CHN2: variants seen among roughly 807,000 people sequenced by gnomAD.
CHN2 encodes beta-chimaerin.
CHN2 carries 35 observed loss-of-function variants against 56.3 expected under a neutral mutation model. That is an observed-to-expected ratio of 0.62 (90% confidence interval 0.47 to 0.82). The LOEUF is 0.82. CHN2 is among the 40% of genes least tolerant of loss of function. The pLI is 0.00. For synonymous variants in CHN2, 210 were observed against 212.8 expected (o/e 0.99, Z 0.12); for missense variants, 491 against 580.5 (o/e 0.85, Z 1.58).
rs561376745 is a variant in CHN2 at position 29,416,062 on chromosome 7, C to T, written c.576+15234C>T. Among the ~76,000 whole-genome samples the T allele has an allele frequency of 9.2e-5, 14 of 152,268 alleles. No homozygotes were observed. The South Asian group carries it at 2.1e-3, about 23-fold the overall frequency. ...GGATAAATGCGGCCCCACAGAGCTG[C>T]GTTAACCTACAGGGCTTCTGTGTTC... On this transcript the variant is annotated intron_variant, in intron 6 of 12. Transcript: ENST00000222792.
intron 1 of CHN2, among the ~76,000 whole-genome samples, chr7:29,234,741 G>C (rs984996188): frequency 6.6e-6 from 1 of 152,288 alleles, no homozygotes; most frequent in East Asian, 1.9e-4. Context: ...TGAGCCTTCT[G>C]TACTCACCAC....
chr7:29,471,661 C>T (rs1053658859), intron 6 of CHN2, among the ~76,000 whole-genome samples: 1 of 152,102 alleles, frequency 6.6e-6, no homozygotes, highest in Non-Finnish European at 1.5e-5. Context: ...CGCCATCTGT[C>T]CCTGGAGAAT....
intron 3 of CHN2, among the ~76,000 whole-genome samples, chr7:29,385,184 G>A (rs1221962356): frequency 1.3e-5 from 2 of 152,046 alleles, no homozygotes; most frequent in Non-Finnish European, 2.9e-5. Flanking sequence ...TAAATTATCA[G>A]CATTATCAAA....
At chr7:29,461,653 G>A (rs1785167594) in intron 6 of CHN2, among the ~76,000 whole-genome samples, 1 of 152,252 alleles carries the variant, frequency 6.6e-6, no homozygotes, top group African/African-American at 2.4e-5. Context: ...TTCCTAGGCT[G>A]CCAACACTTC....
chr7:29,340,602 G>A (rs1796971274), intron 1 of CHN2, among the ~76,000 whole-genome samples: 1 of 152,192 alleles, frequency 6.6e-6, no homozygotes, highest in Admixed American at 6.5e-5. Context: ...GAAGGCAACT[G>A]TGTACCAACT....
intron 2 of CHN2, among the ~76,000 whole-genome samples, chr7:29,155,006 G>T (rs1232166850): frequency 6.6e-6 from 1 of 152,196 alleles, no homozygotes; most frequent in East Asian, 1.9e-4. Context: ...GCAAAGAGAA[G>T]GGTGCTTGTG....
intron 3 of CHN2, among the ~76,000 whole-genome samples, chr7:29,374,835 T>TCCTG (rs1239549829): frequency 6.7e-6 from 1 of 148,264 alleles, no homozygotes; most frequent in Non-Finnish European, 1.5e-5. Context: ...CTTCCTTCCT[T>TCCTG]CCTTCCTTCC....
In CHN2 at chr7:29,252,593, T is replaced by TTGTTTTGTTTTTTG. The variant is rs1562866589; in HGVS notation, c.49+57604_49+57605insGTTTTGTTTTTTGT. Among the ~76,000 whole-genome samples, 10 of 43,008 alleles carry TTGTTTTGTTTTTTG rather than the reference T, an allele frequency of 2.3e-4. 1 individual carries two copies. The East Asian group carries it at 3.6e-3, about 15-fold the overall frequency. The allele number at this position is 43,008 out of a possible 152,430, so 28.2% of individuals were successfully genotyped here. A position where few individuals can be genotyped will look rare whatever the true frequency, so the allele number is the denominator to read the frequency against. On this transcript the variant is annotated intron_variant, in intron 1 of 12. Coordinates refer to ENST00000222792, the MANE Select transcript of CHN2 (RefSeq NM_004067.4). The stretch of plus-strand genomic sequence containing the variant: ...TGCATTCTTTGTTTTTTTTTTTTTT[T>TTGTTTTGTTTTTTG]TTTTTTTTTTTTTGAGACGGAGTCT...
rs558072957 is a variant in CHN2 at position 29,390,862 on chromosome 7, C to G, written c.145-2817C>G. On this transcript the variant is annotated intron_variant, in intron 3 of 12. Coordinates refer to ENST00000222792, the MANE Select transcript of CHN2 (RefSeq NM_004067.4). Reference sequence around the variant, plus strand: ...CCTGGGAGCCCTAGCCCCCAGCCACCTATTCTTTCTGGATCTGAGGATCCA... The same window carrying G: ...CCTGGGAGCCCTAGCCCCCAGCCACGTATTCTTTCTGGATCTGAGGATCCA... Among the ~76,000 whole-genome samples, 5 of 152,210 alleles carry G rather than the reference C, an allele frequency of 3.3e-5. No individual in the cohort carries two copies. The South Asian group carries it at 1.0e-3, about 32-fold the overall frequency.
chr7:29,295,884 A>G (rs1793113898), intron 1 of CHN2, among the ~76,000 whole-genome samples: 1 of 152,192 alleles, frequency 6.6e-6, no homozygotes. Context: ...TTGAGCCAGC[A>G]GGGTCTTGTG....
chr7:29,422,314 C>A (rs575663075), intron 6 of CHN2, among the ~76,000 whole-genome samples: 1 of 152,318 alleles, frequency 6.6e-6, no homozygotes, highest in East Asian at 1.9e-4. Flanking sequence ...GTCAAATACA[C>A]ACAGGTGCAG....
intron 6 of CHN2, among the ~76,000 whole-genome samples, chr7:29,434,866 C>CAGAT (rs1554293139): frequency 6.6e-6 from 1 of 152,126 alleles, no homozygotes; most frequent in Non-Finnish European, 1.5e-5. Flanking sequence ...CCAGGGCAGG[C>CAGAT]AGATAGCTTG....
chr7:29,486,425 C>T (rs1217334426), intron 7 of CHN2, among the ~76,000 whole-genome samples: 4 of 152,106 alleles, frequency 2.6e-5, no homozygotes, highest in East Asian at 3.9e-4. Flanking sequence ...CATCAGATGG[C>T]GCAGGAGAGA....
chr7:29,427,320 AAATAAAT>A (rs1222617037), intron 6 of CHN2, among the ~76,000 whole-genome samples: 1 of 152,168 alleles, frequency 6.6e-6, no homozygotes, highest in Non-Finnish European at 1.5e-5. Flanking sequence ...GTCTCAAAAT[AAATAAAT>A]AATAAAGGAT....
intron 1 of CHN2, among the ~76,000 whole-genome samples, chr7:29,320,751 C>T (rs1391543913): frequency 6.6e-6 from 1 of 152,156 alleles, no homozygotes; most frequent in African/African-American, 2.4e-5. Flanking sequence ...TGTCCTGGCA[C>T]TCCTTCCAGG....
intron 4 of CHN2, among the ~76,000 whole-genome samples, chr7:29,396,362 C>T (rs1285885510): frequency 6.9e-6 from 1 of 144,542 alleles, no homozygotes; most frequent in Non-Finnish European, 1.5e-5. Context: ...GAGGCTGAGG[C>T]AGGAGCATTG....
At chr7:29,371,534 A>G (rs1487571556) in intron 3 of CHN2, among the ~76,000 whole-genome samples, 2 of 152,194 alleles carry the variant, frequency 1.3e-5, no homozygotes, top group African/African-American at 2.4e-5. Context: ...CAGTCACATC[A>G]TAAGCATTTA....
chr7:29,400,327 T>A, intron 5 of CHN2: 1 of 582,796 alleles, frequency 1.7e-6, no homozygotes, highest in Non-Finnish European at 3.1e-6. Context: ...AACCGCCATC[T>A]CTTCAAGCAT....
chr7:29,461,162 G>A (rs1476041367), intron 6 of CHN2, among the ~76,000 whole-genome samples: 1 of 152,190 alleles, frequency 6.6e-6, no homozygotes, highest in Non-Finnish European at 1.5e-5. Flanking sequence ...TATTTCTCAA[G>A]GACATGCCCT....
Sources: gnomAD v4.1 joint callset for allele counts (sites outside exome capture counted in the v4.1 genomes callset) on GRCh38, gnomAD v4.1.1 for gene constraint, MANE v1.5 for transcripts, NCBI Gene and HGNC (gene_info 2026-07-23, HGNC 2026-07-21) for gene names.